WDR7: variants seen among roughly 807,000 people sequenced by gnomAD.
WDR7 encodes the protein WD repeat-containing protein 7.
WDR7 carries 46 observed loss-of-function variants against 169.4 expected under a neutral mutation model. The ratio of observed to expected loss-of-function variants is 0.27; its 90% CI spans 0.21 to 0.35. The LOEUF is 0.35. Among genes scored for constraint, WDR7 ranks in the 10% least tolerant of loss-of-function variants. The probability of loss-of-function intolerance (pLI) is 1.00; values close to 1 mark genes in which losing one functional copy is unlikely to be tolerated. For synonymous variants in WDR7, 612 were observed against 666.8 expected (o/e 0.92, Z 1.27); for missense variants, 1,534 against 1,859.3 (o/e 0.83, Z 3.22).
At chr18:56,981,263 G>A (rs2047640474) in intron 26 of WDR7, among the ~76,000 whole-genome samples, 1 of 152,126 alleles carries the variant, frequency 6.6e-6, no homozygotes, top group South Asian at 2.1e-4. Context: ...GGGAAACATT[G>A]GAAGAGGAGC....
At chr18:56,696,870 T>G (rs2025715965) in intron 12 of WDR7, among the ~76,000 whole-genome samples, 1 of 152,292 alleles carries the variant, frequency 6.6e-6, no homozygotes, top group Middle Eastern at 3.4e-3. Flanking sequence ...GGCAAAATAC[T>G]TATCGATAGA....
chr18:56,864,291 T>TA (rs1254590447), intron 20 of WDR7, among the ~76,000 whole-genome samples: 2 of 151,592 alleles, frequency 1.3e-5, no homozygotes, highest in African/African-American at 2.4e-5. Flanking sequence ...AAATATCAAA[T>TA]ATCATCTGGT....
At chr18:56,870,008 C>T (rs113727521) in intron 20 of WDR7, among the ~76,000 whole-genome samples, 5 of 152,122 alleles carry the variant, frequency 3.3e-5, no homozygotes, top group South Asian at 2.1e-4. Flanking sequence ...ACCAGGACAG[C>T]GAGATCTTGG....
intron 14 of WDR7, among the ~76,000 whole-genome samples, chr18:56,741,944 A>G (rs8091769): frequency 0.035 from 5,316 of 152,268 alleles, 316 homozygotes; most frequent in African/African-American, 0.12. Flanking sequence ...CTGAAGCCTA[A>G]TAAATCCTGT....
chr18:56,801,309 C>T (rs1000490870), intron 19 of WDR7, among the ~76,000 whole-genome samples: 1 of 152,118 alleles, frequency 6.6e-6, no homozygotes, highest in East Asian at 1.9e-4. Flanking sequence ...TTACATTAAC[C>T]AGTTTTTTGG....
At chr18:56,712,391 G>A (rs931972442) in intron 12 of WDR7, among the ~76,000 whole-genome samples, 2 of 152,182 alleles carry the variant, frequency 1.3e-5, no homozygotes. Flanking sequence ...CACTACTGAG[G>A]ATTATTTACT....
At chr18:56,979,662 A>G (rs1243659569) in intron 26 of WDR7, among the ~76,000 whole-genome samples, 1 of 152,202 alleles carries the variant, frequency 6.6e-6, no homozygotes, top group Non-Finnish European at 1.5e-5. Context: ...TTGCTGCAGT[A>G]TCCATCAAAT....
chr18:56,723,418 T>C (rs1465823121), intron 13 of WDR7, among the ~76,000 whole-genome samples: 2 of 152,072 alleles, frequency 1.3e-5, no homozygotes, highest in Non-Finnish European at 2.9e-5. Context: ...ATGAATTCTT[T>C]CAGCTTTTGC....
intron 26 of WDR7, among the ~76,000 whole-genome samples, chr18:57,004,763 T>C (rs953688053): frequency 1.3e-5 from 2 of 152,206 alleles, no homozygotes; most frequent in Non-Finnish European, 2.9e-5. Context: ...AAACAGTTCT[T>C]ACAGTTTCAC....
chr18:56,992,639 C>T (rs138727050), intron 26 of WDR7, among the ~76,000 whole-genome samples: 396 of 152,198 alleles, frequency 2.6e-3, no homozygotes, highest in African/African-American at 8.2e-3. Flanking sequence ...AGAACTATTC[C>T]AGGTAAAAGA....
chr18:56,781,569 C>A lies in WDR7; in HGVS notation c.3103C>A (p.Leu1035Met). 1 of 1,612,258 alleles carries A rather than the reference C, an allele frequency of 6.2e-7. No homozygotes were observed. ...CGCGCAGGCCCTGCTTCTGGCGGAA[C>A]TGAGAAGAATTGAGCAGGCAGGCAG... ...EAAQALLLAE[L>M]RRIEQAGRKE... Residue 1035 changes from leucine (L) to methionine (M), a missense_variant, in exon 19 of 28, where the codon CTG becomes ATG. Transcript: ENST00000254442.
intron 20 of WDR7, among the ~76,000 whole-genome samples, chr18:56,867,003 T>A (rs2045890883): frequency 6.8e-6 from 1 of 146,338 alleles, no homozygotes; most frequent in African/African-American, 2.8e-5. Flanking sequence ...ACAACTTTAT[T>A]TACTTACTTA....
In WDR7 at chr18:56,710,006, G is replaced by GTT. The variant is rs71169391; in HGVS notation, c.1579-7944_1579-7943dup. Among the ~76,000 whole-genome samples, 46 of 142,342 alleles carry GTT rather than the reference G, an allele frequency of 3.2e-4. 1 individual carries two copies. Among genetic ancestry groups the GTT allele is most frequent in the African/African-American group, 1.1e-3 (41 of 38,204 alleles). The allele number at this position is 142,342 out of a possible 152,430, so 93.4% of individuals were successfully genotyped here. On this transcript the variant is annotated intron_variant, in intron 12 of 27. Transcript: ENST00000254442. Reference sequence around the variant, plus strand: ...CCACAATTTATATATATATATAGTTGTTTTTTTTTTTTTTTGTGATGGAGT... The same window carrying GTT: ...CCACAATTTATATATATATATAGTTGTTTTTTTTTTTTTTTTTGTGATGGAGT...
At chr18:56,810,636 A>G (rs1470636862) in intron 19 of WDR7, among the ~76,000 whole-genome samples, 7 of 152,110 alleles carry the variant, frequency 4.6e-5, no homozygotes, top group African/African-American at 1.7e-4. Flanking sequence ...TTCTTATTGT[A>G]TAAATGTTCT....
At chr18:56,950,073 G>C (rs1172852683) in intron 25 of WDR7, among the ~76,000 whole-genome samples, 2 of 152,162 alleles carry the variant, frequency 1.3e-5, no homozygotes, top group Non-Finnish European at 2.9e-5. Context: ...ATGCTTTCAA[G>C]TAAATGGTGT....
At chr18:56,887,801 T>C (rs1379506594) in intron 21 of WDR7, among the ~76,000 whole-genome samples, 2 of 152,196 alleles carry the variant, frequency 1.3e-5, no homozygotes, top group East Asian at 3.8e-4. Context: ...CTTGCTCTCC[T>C]GTTTGAAAAC....
intron 12 of WDR7, among the ~76,000 whole-genome samples, chr18:56,713,722 T>C (rs1054477828): frequency 3.3e-5 from 5 of 152,276 alleles, no homozygotes; most frequent in African/African-American, 7.2e-5. Flanking sequence ...GAATGAGTCA[T>C]TGCAGGTGAA....
chr18:56,684,337 C>G (rs1025133044), intron 5 of WDR7, among the ~76,000 whole-genome samples: 1 of 152,114 alleles, frequency 6.6e-6, no homozygotes, highest in Non-Finnish European at 1.5e-5. Context: ...CAAACTTATA[C>G]TGTAAAGGGC....
rs57440164 is a variant in WDR7, at chr18:57,017,477, CTGTGTGTGTGTGTGTG to C, written c.4165-3239_4165-3224del. 4.6e-4 allele frequency among the ~76,000 whole-genome samples: 62 copies of C among 134,800 alleles called. No homozygotes were observed. In the South Asian group the frequency reaches 6.4e-3, roughly 14 times the overall value. 88.4% of individuals were successfully genotyped at this position (134,800 alleles called of 152,430 possible). A position where few individuals can be genotyped will look rare whatever the true frequency, so the allele number is the denominator to read the frequency against. On this transcript the variant is annotated intron_variant, in intron 26 of 27. Coordinates refer to ENST00000254442, the MANE Select transcript of WDR7 (RefSeq NM_015285.3). Reference sequence around the variant, plus strand: ...GTGTGCTGTTCTTATCCAAGTCATGCTGTGTGTGTGTGTGTGTGTGTGTGTGTGTGTGTGTGTGTGT... The same window carrying C: ...GTGTGCTGTTCTTATCCAAGTCATGCTGTGTGTGTGTGTGTGTGTGTGTGT...
Sources: allele counts gnomAD v4.1 joint callset (sites outside exome capture counted in the v4.1 genomes callset), GRCh38; gene constraint gnomAD v4.1.1; transcripts MANE v1.5; gene names NCBI Gene and HGNC (gene_info 2026-07-23, HGNC 2026-07-21).